Variants in FAH observed in about 807,000 individuals in gnomAD.
FAH encodes fumarylacetoacetate hydrolase.
FAH carries 47 observed loss-of-function variants against 55.8 expected under a neutral mutation model. That is an observed-to-expected ratio of 0.84 (90% confidence interval 0.67 to 1.07). The LOEUF is 1.07. Among genes scored for constraint, FAH ranks in the 50% least tolerant of loss-of-function variants. FAH has a pLI of 0.00. For synonymous variants in FAH, 199 were observed against 207.7 expected (o/e 0.96, Z 0.36); for missense variants, 495 against 545.9 (o/e 0.91, Z 0.93).
Position 80,173,584 on chromosome 15 carries a change from G to C in FAH, c.837+440G>C, listed in dbSNP as rs532305556. 9 of 341,498 alleles carry C rather than the reference G, an allele frequency of 2.6e-5. No homozygotes were observed. In the East Asian group the frequency reaches 6.9e-4, roughly 26 times the overall value. The allele number at this position is 341,498 out of a possible 1,614,324, so 21.2% of individuals were successfully genotyped here. ...CCTGCAGCCTCTGGTTCCCGGCACC[G>C]CTTGGTCTACCACTGGGTCTAGGCC... On this transcript the variant is annotated intron_variant, in intron 9 of 13. Coordinates refer to ENST00000561421, the MANE Select transcript of FAH (RefSeq NM_000137.4).
intron 9 of FAH, 164 bp downstream of exon 9, chr15:80,173,308 TC>T: frequency 1.1e-6 from 1 of 874,378 alleles, no homozygotes; most frequent in Non-Finnish European, 1.9e-6. Context: ...CACGATTACT[TC>T]CAGGCAGCCA....
chr15:80,168,369 G>C, intron 7 of FAH, 53 bp downstream of exon 7: 2 of 1,593,636 alleles, frequency 1.3e-6, no homozygotes, highest in Non-Finnish European at 1.7e-6. Flanking sequence ...CCCGGCAGGA[G>C]AGCCCTTTGG....
intron 11 of FAH, among the ~76,000 whole-genome samples, chr15:80,178,830 C>T (rs1472946222): frequency 2.6e-5 from 4 of 152,032 alleles, no homozygotes; most frequent in Admixed American, 6.5e-5. Flanking sequence ...CCTTGTGATC[C>T]GCCCGCCTCA....
rs1400299241 is a variant in FAH at position 80,158,086 on chromosome 15, T to G, written c.108T>G (p.Ile36Met). The G allele has an allele frequency of 6.8e-6, 11 of 1,614,048 alleles. No individual in the cohort carries two copies. The highest frequency in any genetic ancestry group is 1.3e-5 in the African/African-American group (1 of 74,936). ...GDPRPRIGVA[I>M]GDQILDLSII... ...CAAGACCGAGGATAGGTGTGGCCAT[T>G]GGCGACCAGATCCTGGACCTCAGCA... The change falls in exon 2 of 14, where the codon ATT (isoleucine) becomes ATG (methionine). Residue 36 changes from isoleucine to methionine, a missense_variant. By Grantham distance (10) the Ile-to-Met change is conservative. Coordinates refer to ENST00000561421, the MANE Select transcript of FAH (RefSeq NM_000137.4).
At chr15:80,165,140 C>A (rs2041180465) in intron 5 of FAH, among the ~76,000 whole-genome samples, 1 of 152,180 alleles carries the variant, frequency 6.6e-6, no homozygotes, top group Non-Finnish European at 1.5e-5. Context: ...CATCTGTAAT[C>A]CCAGCACTTT....
intron 1 of FAH, 142 bp downstream of exon 1, chr15:80,153,277 G>GC: frequency 1.4e-6 from 1 of 732,012 alleles, no homozygotes; most frequent in South Asian, 1.6e-5. Context: ...TTCGTTCCGT[G>GC]AGAGTGCCTA....
chr15:80,171,820 G>A (rs1011450757), intron 7 of FAH, among the ~76,000 whole-genome samples: 3 of 152,168 alleles, frequency 2.0e-5, no homozygotes, highest in African/African-American at 7.2e-5. Context: ...GCCTCATGTG[G>A]CTGTCAAGTC....
chr15:80,169,867 T>A (rs1037500849), intron 7 of FAH, among the ~76,000 whole-genome samples: 1 of 152,182 alleles, frequency 6.6e-6, no homozygotes, highest in Non-Finnish European at 1.5e-5. Flanking sequence ...AACTTTTTAT[T>A]TTGAGGTCAT....
At chr15:80,185,458 A>G (rs1452698639) in intron 13 of FAH, among the ~76,000 whole-genome samples, 1 of 152,254 alleles carries the variant, frequency 6.6e-6, no homozygotes, top group African/African-American at 2.4e-5. Context: ...GCTAATTGGC[A>G]GAGCGAGGAT....
rs755673416 is a variant in FAH at position 80,173,181 on chromosome 15, C to A, written c.837+37C>A. ...CTCTGCAGGAAGCTCCCAAACCCAG[C>A]CCTGCTGCCTCTGAGGCTGCTTGCC... On this transcript the variant is annotated intron_variant, in intron 9 of 13. Transcript: ENST00000561421. 2.5e-6 allele frequency: 4 copies of A among 1,613,940 alleles called. No individual in the cohort carries two copies. In the African/African-American group the frequency reaches 5.3e-5, roughly 22 times the overall value.
chr15:80,183,741 A>G (rs1034862869), intron 13 of FAH, among the ~76,000 whole-genome samples: 1 of 152,250 alleles, frequency 6.6e-6, no homozygotes, highest in East Asian at 1.9e-4. Flanking sequence ...CAGGCCAGAC[A>G]CTGTGCCAAG....
chr15:80,167,811 C>A (rs913939246), intron 5 of FAH, among the ~76,000 whole-genome samples: 1 of 152,180 alleles, frequency 6.6e-6, no homozygotes, highest in East Asian at 1.9e-4. Flanking sequence ...GGATTACAGG[C>A]GCGAGCCACT....
rs180987261 is a variant in FAH, at chr15:80,177,397, T to A, written c.914-140T>A. On this transcript the variant is annotated intron_variant, in intron 10 of 13. Transcript: ENST00000561421. Reference sequence around the variant, plus strand: ...CCTGGACCTCCCAGCTCTGATGTCCTAGGAGCTAATTGTTTCACAGACTCT... The same window carrying A: ...CCTGGACCTCCCAGCTCTGATGTCCAAGGAGCTAATTGTTTCACAGACTCT... The A allele has an allele frequency of 1.7e-4, 139 of 795,294 alleles. No individual in the cohort carries two copies. The Admixed American group carries it at 2.7e-3, about 16-fold the overall frequency. 49.3% of individuals were successfully genotyped at this position (795,294 alleles called of 1,614,324 possible). A position where few individuals can be genotyped will look rare whatever the true frequency, so the allele number is the denominator to read the frequency against.
chr15:80,186,043 T>C, intron 13 of FAH, 87 bp from the exon 14 acceptor site: 1 of 988,980 alleles, frequency 1.0e-6, no homozygotes, highest in South Asian at 1.3e-5. Flanking sequence ...GGGCCAGCTG[T>C]GTGCTGACGG....
chr15:80,178,433 T>C (rs558639147), intron 11 of FAH, among the ~76,000 whole-genome samples: 10 of 152,258 alleles, frequency 6.6e-5, no homozygotes, highest in African/African-American at 2.2e-4. Context: ...TTTATAGAAA[T>C]GGCATCATAA....
rs2041326700 is a variant in FAH, at chr15:80,181,041, G to A, written c.1063-1G>A. 6.2e-7 allele frequency: 1 copy of A among 1,610,634 alleles called. No homozygotes were observed. Among genetic ancestry groups the A allele is most frequent in the Non-Finnish European group, 8.5e-7 (1 of 1,177,142 alleles). Reference sequence around the variant, plus strand: ...TCTTTCTTCCCTTTCCTGTGATGAAGGAGCCAGAAAACTTCGGCTCCATGT... The same window carrying A: ...TCTTTCTTCCCTTTCCTGTGATGAAAGAGCCAGAAAACTTCGGCTCCATGT... On this transcript the variant is annotated splice_acceptor_variant, in intron 12 of 13. Coordinates refer to ENST00000561421, the MANE Select transcript of FAH (RefSeq NM_000137.4). LOFTEE classifies it high-confidence loss of function.
chr15:80,179,864 G>C (rs76264940), intron 11 of FAH, among the ~76,000 whole-genome samples: 1 of 152,190 alleles, frequency 6.6e-6, no homozygotes, highest in East Asian at 1.9e-4. Context: ...AAGGTGGTCA[G>C]TGTGGGCTTG....
rs1395211192 is a variant in FAH, at chr15:80,177,323, G to A, written c.914-214G>A. ...CTGTGATCAATTAATGCTGCCTGCT[G>A]TAGGCGTGGGAGGAGGAAGTGATGA... On this transcript the variant is annotated intron_variant, in intron 10 of 13. Transcript: ENST00000561421. 5.0e-6 allele frequency: 3 copies of A among 596,852 alleles called. No homozygotes were observed. The African/African-American group carries it at 5.6e-5, about 11-fold the overall frequency. 37.0% of individuals were successfully genotyped at this position (596,852 alleles called of 1,614,324 possible).
chr15:80,160,601 G>A (rs2014531), intron 4 of FAH, 142 bp downstream of exon 4: 13 of 777,180 alleles, frequency 1.7e-5, no homozygotes, highest in African/African-American at 3.4e-5. Context: ...GCTGTTACCC[G>A]CTCCTCATCA....
Sources: allele counts gnomAD v4.1 joint callset (sites outside exome capture counted in the v4.1 genomes callset), GRCh38; gene constraint gnomAD v4.1.1; transcripts MANE v1.5; gene names NCBI Gene and HGNC (gene_info 2026-07-23, HGNC 2026-07-21).